Variants in ATP2B2 observed in about 807,000 individuals in gnomAD.
ATP2B2 encodes plasma membrane calcium-transporting ATPase 2.
ATP2B2 carries 15 observed loss-of-function variants against 120.0 expected under a neutral mutation model. That is an observed-to-expected ratio of 0.12 (90% CI 0.08 to 0.19). The LOEUF (loss-of-function observed/expected upper bound fraction) is 0.19. Among genes scored for constraint, ATP2B2 ranks in the 10% least tolerant of loss-of-function variants. The pLI, the probability that ATP2B2 is intolerant of heterozygous loss-of-function variation, is 1.00. For missense variants in ATP2B2, 1,045 were observed against 1,719.8 expected (o/e 0.61, Z 6.94); for synonymous variants, 694 against 700.3 (o/e 0.99, Z 0.14).
intron 2 of ATP2B2, among the ~76,000 whole-genome samples, chr3:10,443,736 G>C (rs536869346): frequency 6.6e-6 from 1 of 152,198 alleles, no homozygotes; most frequent in Non-Finnish European, 1.5e-5. Context: ...AACTCCTTTT[G>C]TGCATAAGCC....
intron 1 of ATP2B2, among the ~76,000 whole-genome samples, chr3:10,689,970 C>A (rs1302731112): frequency 6.6e-6 from 1 of 152,186 alleles, no homozygotes; most frequent in Non-Finnish European, 1.5e-5. Flanking sequence ...TACAGAGAGT[C>A]CAGAACCAAA....
intron 2 of ATP2B2, among the ~76,000 whole-genome samples, chr3:10,606,294 C>T (rs75949660): frequency 0.023 from 3,496 of 152,156 alleles, 81 homozygotes; most frequent in South Asian, 0.12. Context: ...TAGTACTGTA[C>T]CCATATACTC....
Position 10,340,854 on chromosome 3 carries a change from G to A in ATP2B2, c.2918-150C>T. The A allele has an allele frequency of 1.3e-6, 1 of 777,164 alleles. No individual in the cohort carries two copies. The highest frequency in any genetic ancestry group is 2.2e-6 in the Non-Finnish European group (1 of 455,116). 48.1% of individuals were successfully genotyped at this position (777,164 alleles called of 1,614,324 possible). On this transcript the variant is annotated intron_variant, in intron 19 of 22. Coordinates refer to ENST00000360273, the MANE Select transcript of ATP2B2 (RefSeq NM_001001331.4). This position sits in a 1 kb window ranked among gnomAD's most constrained non-coding sequence, Gnocchi z 5.0. ...TTGGACAGTGGGGGGCCAGGGCTGT[G>A]CTGTCAGCTGGTCAGAGACTAGGAC...
rs2068739713 is a variant in ATP2B2 at position 10,595,270 on chromosome 3, A to C, written c.-415+24647T>G. Among the ~76,000 whole-genome samples, 2 of 152,090 alleles carry C rather than the reference A, an allele frequency of 1.3e-5. 1 individual carries two copies. The highest frequency in any genetic ancestry group is 4.1e-4 in the South Asian group (2 of 4,824). On this transcript the variant is annotated intron_variant, in intron 2 of 21. Transcript: ENST00000646379. ...CAGATGTCTGGGGGCCTTTTGGGGAAGGAGGCGTGCTGGAGGTTCTCAGGT... is the reference window on the plus strand; with the variant it reads ...CAGATGTCTGGGGGCCTTTTGGGGACGGAGGCGTGCTGGAGGTTCTCAGGT...
At chr3:10,622,177 T>C (rs982327897) in intron 1 of ATP2B2, among the ~76,000 whole-genome samples, 13 of 152,188 alleles carry the variant, frequency 8.5e-5, no homozygotes, top group Admixed American at 3.3e-4. Flanking sequence ...CCTGAACTCC[T>C]GTAGACTGTA....
chr3:10,356,884 CATTA>C (rs1340693433), intron 14 of ATP2B2, among the ~76,000 whole-genome samples: 4 of 151,878 alleles, frequency 2.6e-5, no homozygotes, highest in Admixed American at 6.6e-5. Context: ...GCTCCAGGGG[CATTA>C]ATTGTCTTTG....
intron 3 of ATP2B2, among the ~76,000 whole-genome samples, chr3:10,514,970 C>G (rs1241427450): frequency 1.3e-5 from 2 of 152,210 alleles, no homozygotes; most frequent in African/African-American, 4.8e-5. Flanking sequence ...CCCCAGCCTT[C>G]CTGACCTCCC....
chr3:10,365,256 TC>T (rs1176880273), intron 12 of ATP2B2, among the ~76,000 whole-genome samples: 1 of 152,154 alleles, frequency 6.6e-6, no homozygotes, highest in Admixed American at 6.5e-5. Context: ...CATGCCCACA[TC>T]CCCACCCCAC....
intron 8 of ATP2B2, among the ~76,000 whole-genome samples, chr3:10,380,162 C>T (rs1011252388): frequency 2.0e-5 from 3 of 152,220 alleles, no homozygotes; most frequent in East Asian, 1.9e-4. Flanking sequence ...TGCCCCCCAC[C>T]GACTCATCAG....
intron 7 of ATP2B2, 73 bp downstream of exon 7, chr3:10,386,407 G>C (rs2061680943): frequency 6.6e-7 from 1 of 1,526,686 alleles, no homozygotes; most frequent in Non-Finnish European, 9.1e-7. Context: ...TGGTGGTCTA[G>C]GGGCAGGGCC....
chr3:10,601,586 C>T (rs1290078671), intron 2 of ATP2B2, among the ~76,000 whole-genome samples: 1 of 152,230 alleles, frequency 6.6e-6, no homozygotes, highest in Non-Finnish European at 1.5e-5. Flanking sequence ...TTCAACCTAG[C>T]ATTCTCTGTC....
intron 1 of ATP2B2, among the ~76,000 whole-genome samples, chr3:10,659,609 C>T (rs1575599862): frequency 6.6e-6 from 1 of 152,228 alleles, no homozygotes; most frequent in East Asian, 1.9e-4. Context: ...TCCTTAGAGA[C>T]CTACAAAGAG....
intron 2 of ATP2B2, among the ~76,000 whole-genome samples, chr3:10,546,248 T>C (rs1027153550): frequency 2.0e-5 from 3 of 152,094 alleles, no homozygotes; most frequent in African/African-American, 7.2e-5. Context: ...TTCTGCGCAA[T>C]AAGACCCCAT....
chr3:10,697,151 C>T (rs2071753034), intron 1 of ATP2B2, among the ~76,000 whole-genome samples: 1 of 152,160 alleles, frequency 6.6e-6, no homozygotes, highest in Admixed American at 6.5e-5. Context: ...ACACCTCTCC[C>T]ATTGTGCTTT....
At chr3:10,454,868 C>T (rs1480096990) in intron 1 of ATP2B2, among the ~76,000 whole-genome samples, 1 of 152,184 alleles carries the variant, frequency 6.6e-6, no homozygotes, top group Non-Finnish European at 1.5e-5. Context: ...CCTCAGTTTC[C>T]CTTCCTTGGA....
At chr3:10,464,796 A>G (rs922010555) in intron 1 of ATP2B2, among the ~76,000 whole-genome samples, 1 of 152,244 alleles carries the variant, frequency 6.6e-6, no homozygotes, top group African/African-American at 2.4e-5. Flanking sequence ...CTAGCCAGCG[A>G]GAGAAACTAG....
At chr3:10,537,571 TAGG>T (rs144792606) in intron 2 of ATP2B2, among the ~76,000 whole-genome samples, 3,543 of 152,280 alleles carry the variant, frequency 0.023, 51 homozygotes, top group Middle Eastern at 0.085. Flanking sequence ...TTATTACTTC[TAGG>T]AGGTTTGTGT....
At chr3:10,657,542 G>C (rs1028048558) in intron 1 of ATP2B2, among the ~76,000 whole-genome samples, 1 of 152,270 alleles carries the variant, frequency 6.6e-6, no homozygotes, top group Non-Finnish European at 1.5e-5. Flanking sequence ...CGGCAGCGAG[G>C]CTTGGGGAGG....
At chr3:10,564,176 T>G (rs1290473279) in intron 2 of ATP2B2, among the ~76,000 whole-genome samples, 1 of 152,202 alleles carries the variant, frequency 6.6e-6, no homozygotes, top group African/African-American at 2.4e-5. Flanking sequence ...AGAAAAAGAC[T>G]CATATAACCA....
Sources: allele counts gnomAD v4.1 joint callset (sites outside exome capture counted in the v4.1 genomes callset), GRCh38; gene constraint gnomAD v4.1.1; non-coding constraint Gnocchi (gnomAD v3.1); transcripts MANE v1.5; gene names NCBI Gene and HGNC (gene_info 2026-07-23, HGNC 2026-07-21).